Variants in KALRN observed in about 807,000 individuals in gnomAD.
KALRN encodes kalirin.
A neutral mutation model predicts 353.7 loss-of-function variants in KALRN; 70 were observed. That is an observed-to-expected ratio of 0.20 (90% CI 0.16 to 0.24). The LOEUF is 0.24. KALRN is among the 10% of genes least tolerant of loss of function. The pLI is 1.00. For missense variants in KALRN, 2,791 were observed against 3,756.7 expected (o/e 0.74, Z 6.72); for synonymous variants, 1,391 against 1,434.8 (o/e 0.97, Z 0.69).
chr3:124,592,296 C>T (rs931964686), intron 34 of KALRN, among the ~76,000 whole-genome samples: 15 of 135,846 alleles, frequency 1.1e-4, no homozygotes, highest in Non-Finnish European at 1.9e-4. Context: ...AGCAAGACTC[C>T]GTCTCAAAGA....
At chr3:124,051,958 A>C (rs1476147059) in intron 1 of KALRN, among the ~76,000 whole-genome samples, 1 of 152,250 alleles carries the variant, frequency 6.6e-6, no homozygotes, top group African/African-American at 2.4e-5. Flanking sequence ...CTGAGGCTTA[A>C]GAGAGAGTTG....
intron 13 of KALRN, 78 bp from the exon 14 acceptor site, chr3:124,413,392 C>T (rs757425795): frequency 5.8e-6 from 7 of 1,213,250 alleles, no homozygotes; most frequent in African/African-American, 1.5e-5. Flanking sequence ...ATGAATAAGG[C>T]TTGGAATTGT....
At chr3:124,715,196 C>G (rs1038242505) in intron 58 of KALRN, among the ~76,000 whole-genome samples, 3 of 152,156 alleles carry the variant, frequency 2.0e-5, no homozygotes, top group African/African-American at 7.2e-5. Flanking sequence ...TTGGTTGGAC[C>G]TGAAGTTCAG....
At chr3:124,105,238 C>CTGTTA (rs1348047946) in intron 1 of KALRN, among the ~76,000 whole-genome samples, 4 of 152,156 alleles carry the variant, frequency 2.6e-5, no homozygotes, top group Non-Finnish European at 5.9e-5. Flanking sequence ...GGAGTGGCAA[C>CTGTTA]TGTTACACTA....
At chr3:124,044,213 A>C (rs1488460128) in intron 1 of KALRN, among the ~76,000 whole-genome samples, 3 of 152,262 alleles carry the variant, frequency 2.0e-5, no homozygotes, top group Admixed American at 1.3e-4. Context: ...CCATTTCATC[A>C]AAGGCTCCTC....
chr3:124,290,568 C>G (rs1032824244), intron 5 of KALRN, among the ~76,000 whole-genome samples: 15 of 152,136 alleles, frequency 9.9e-5, no homozygotes, highest in Admixed American at 3.3e-4. Context: ...GAGTTAAGAG[C>G]ATCAACTCTG....
At chr3:124,363,343 A>G (rs547133932) in intron 10 of KALRN, among the ~76,000 whole-genome samples, 8 of 152,212 alleles carry the variant, frequency 5.3e-5, no homozygotes, top group African/African-American at 1.9e-4. Flanking sequence ...AACAAGATCC[A>G]GTGAGAAGTA....
chr3:124,650,954 A>G lies in KALRN; in HGVS notation c.5795+16A>G. The stretch of plus-strand genomic sequence containing the variant: ...GAGGCAGGATGTAAGTGGCTTCCCC[A>G]GTTCCTCCCTGTGGTGCACATGTGA... On this transcript the variant is annotated intron_variant, in intron 38 of 59. Transcript: ENST00000682506. 1.9e-6 allele frequency: 3 copies of G among 1,613,688 alleles called. No individual in the cohort carries two copies. Among genetic ancestry groups the G allele is most frequent in the Non-Finnish European group, 2.5e-6 (3 of 1,179,930 alleles).
intron 1 of KALRN, among the ~76,000 whole-genome samples, chr3:124,199,801 T>C (rs766477240): frequency 7.9e-5 from 12 of 152,148 alleles, no homozygotes; most frequent in Non-Finnish European, 1.3e-4. Flanking sequence ...AAGATCTGTT[T>C]CAGCTGTTTG....
At chr3:124,303,814 A>G (rs1300333092) in intron 6 of KALRN, among the ~76,000 whole-genome samples, 1 of 152,206 alleles carries the variant, frequency 6.6e-6, no homozygotes, top group Non-Finnish European at 1.5e-5. Flanking sequence ...CCAAAGGCAC[A>G]TATTGCCACT....
intron 15 of KALRN, 99 bp from the exon 16 acceptor site, chr3:124,430,557 G>C (rs2093225677): frequency 2.1e-6 from 3 of 1,408,450 alleles, no homozygotes; most frequent in Admixed American, 2.0e-5. Flanking sequence ...GAAGATAAAA[G>C]ATAGTGAGCT....
intron 25 of KALRN, among the ~76,000 whole-genome samples, chr3:124,471,237 A>G (rs1323012965): frequency 1.3e-5 from 2 of 149,918 alleles, no homozygotes; most frequent in African/African-American, 2.5e-5. Flanking sequence ...TTAAATCCTT[A>G]CAAGCACCCC....
intron 1 of KALRN, among the ~76,000 whole-genome samples, chr3:124,160,928 C>T (rs550231424): frequency 3.3e-5 from 5 of 152,252 alleles, no homozygotes; most frequent in African/African-American, 1.2e-4. Context: ...TCTCCAAGGA[C>T]TGAGAAGGAA....
At chr3:124,102,952 A>G (rs1220319542) in intron 1 of KALRN, among the ~76,000 whole-genome samples, 4 of 152,184 alleles carry the variant, frequency 2.6e-5, no homozygotes, top group East Asian at 3.9e-4. Flanking sequence ...TTCCCGTTTC[A>G]CAGATAGGAA....
At chr3:124,523,485 A>G (rs895830241) in intron 33 of KALRN, among the ~76,000 whole-genome samples, 8 of 152,242 alleles carry the variant, frequency 5.3e-5, no homozygotes, top group African/African-American at 1.9e-4. Flanking sequence ...ACTTAGCATT[A>G]TGAAAGCAAA....
intron 11 of KALRN, among the ~76,000 whole-genome samples, chr3:124,394,088 C>T (rs1250506464): frequency 2.0e-5 from 3 of 152,172 alleles, no homozygotes; most frequent in East Asian, 3.8e-4. Context: ...TTTGTGCTTT[C>T]CCCAACCTAC....
intron 1 of KALRN, among the ~76,000 whole-genome samples, chr3:124,148,456 C>G (rs2067659577): frequency 6.6e-6 from 1 of 152,178 alleles, no homozygotes; most frequent in Non-Finnish European, 1.5e-5. Context: ...TATGAAACCC[C>G]TTCTCTTAGT....
chr3:124,268,844 C>T lies in KALRN; in HGVS notation c.558C>T (p.Ile186=). Residue 186 remains isoleucine (I), a synonymous_variant, in exon 5 of 60, where the codon ATC becomes ATT. Coordinates refer to ENST00000682506, the MANE Select transcript of KALRN (RefSeq NM_001388419.1). ...TGGACTACAACCATGAGGAGTGGAT[C>T]GAACTGCGGCTCTCCCTGGAGGAGT... ...GSLDYNHEEW[I]ELRLSLEEFF... is the part of the protein sequence containing the mutation. The T allele has an allele frequency of 1.9e-6, 3 of 1,614,086 alleles. No individual in the cohort carries two copies. The highest frequency in any genetic ancestry group is 2.2e-5 in the East Asian group (1 of 44,866).
chr3:124,160,116 G>A (rs1433070281), intron 1 of KALRN, among the ~76,000 whole-genome samples: 1 of 150,800 alleles, frequency 6.6e-6, no homozygotes, highest in Non-Finnish European at 1.5e-5. Flanking sequence ...TAGGGTCTTT[G>A]CAGATATAAT....
Sources: gnomAD v4.1 joint callset for allele counts (sites outside exome capture counted in the v4.1 genomes callset) on GRCh38, gnomAD v4.1.1 for gene constraint, MANE v1.5 for transcripts, NCBI Gene and HGNC (gene_info 2026-07-23, HGNC 2026-07-21) for gene names.